The following USP33 variants were observed in gnomAD, a reference collection of about 807,000 sequenced individuals.
USP33 encodes ubiquitin specific peptidase 33, also known as ubiquitin carboxyl-terminal hydrolase 33.
A neutral mutation model predicts 124.2 loss-of-function variants in USP33; 46 were observed. The ratio of observed to expected loss-of-function variants is 0.37; its 90% confidence interval spans 0.29 to 0.47. USP33 has a LOEUF of 0.47. Ranked by LOEUF, USP33 falls within the 20% of genes least tolerant of loss-of-function variation. USP33 has a pLI of 0.99. For synonymous variants in USP33, 350 were observed against 352.3 expected, an observed-to-expected ratio of 0.99 and a Z score of 0.07; for missense variants, 851 against 1,070.6, an observed-to-expected ratio of 0.79 and a Z score of 2.86.
chr1:77,717,973 A>C lies in USP33; in HGVS notation c.1812T>G (p.Phe604Leu). 2 of 1,614,084 alleles carry C rather than the reference A, an allele frequency of 1.2e-6. No homozygotes were observed. The highest frequency in any genetic ancestry group is 1.7e-6 in the Non-Finnish European group (2 of 1,179,966). Residue 604 changes from phenylalanine to leucine, a missense_variant, in exon 17 of 24, where the codon TTT (phenylalanine) becomes TTG (leucine). Transcript: ENST00000370794. ...GCTGAAGATCCAAGCCTTCTAGCGG[A>C]AATGAAACATGGGTACTGATTTTGG... is the stretch of plus-strand genomic sequence containing the variant. ...FSTKISTHVS[F>L]PLEGLDLQPF... is the part of the protein sequence containing the mutation.
intron 10 of USP33, among the ~76,000 whole-genome samples, chr1:77,726,302 G>A (rs1182596604): frequency 1.3e-5 from 2 of 151,622 alleles, no homozygotes. Flanking sequence ...GAAGTGAGCA[G>A]TGGAAATACA....
rs1350983839 is a variant in USP33 at position 77,739,246 on chromosome 1, A to G, written c.351+19T>C. 6.3e-7 allele frequency: 1 copy of G among 1,592,594 alleles called. No individual in the cohort carries two copies. Among genetic ancestry groups the G allele is most frequent in the African/African-American group, 1.4e-5 (1 of 73,716 alleles). On this transcript the variant is annotated intron_variant, in intron 5 of 23. Coordinates refer to ENST00000370794, the MANE Select transcript of USP33 (RefSeq NM_201624.3). Reference sequence around the variant, plus strand: ...ACCGGAATGTTTTACAGCTTAACTAAGTGGATCTAGATTATTACCTGGACA... The same window carrying G: ...ACCGGAATGTTTTACAGCTTAACTAGGTGGATCTAGATTATTACCTGGACA...
Position 77,730,697 on chromosome 1 carries a change from C to T in USP33, c.559G>A (p.Gly187Arg), listed in dbSNP as rs1245862269. Reference sequence around the variant, plus strand: ...GGTTTCTTATCTGTTCGAGCTAGTCCTCCACAATCAAGAAAAAACTGTGTC... The same window carrying T: ...GGTTTCTTATCTGTTCGAGCTAGTCTTCCACAATCAAGAAAAAACTGTGTC... ...PLTQFFLDCG[G>R]LARTDKKPAI... The change falls in exon 8 of 24, where the codon GGA (glycine) becomes AGA (arginine). Residue 187 changes from glycine to arginine, a missense_variant. By Grantham distance (125) the Gly-to-Arg change is moderately radical. Around this residue, in one of 4 missense-constraint regions of USP33, gnomAD observed 221 missense variants for 302.9 expected, o/e 0.73. Transcript: ENST00000370794. 3.8e-6 allele frequency: 6 copies of T among 1,585,612 alleles called. No individual in the cohort carries two copies. Among genetic ancestry groups the T allele is most frequent in the Non-Finnish European group, 5.2e-6 (6 of 1,165,002 alleles).
intron 6 of USP33, among the ~76,000 whole-genome samples, chr1:77,735,612 A>G (rs548670371): frequency 1.2e-4 from 19 of 152,372 alleles, no homozygotes; most frequent in African/African-American, 4.6e-4. Context: ...TACTAAGAAC[A>G]GTGGGCCTAA....
chr1:77,721,475 C>T, intron 14 of USP33: 1 of 540,256 alleles, frequency 1.9e-6, no homozygotes. Flanking sequence ...AAGCAAGGTG[C>T]TAGACACACA....
In USP33 at chr1:77,741,708, AT is replaced by A; in HGVS notation, c.-12del. ...TCGAAAAGCTGACATTTTGTTAGGA[AT>A]TTTTTCCTGTTTCCCAAGACTTTCA... On this transcript the variant is annotated 5_prime_UTR_variant, in exon 2 of 24. Coordinates refer to ENST00000370794, the MANE Select transcript of USP33 (RefSeq NM_201624.3). 6.2e-7 allele frequency: 1 copy of A among 1,604,830 alleles called. No individual in the cohort carries two copies. The highest frequency in any genetic ancestry group is 8.5e-7 in the Non-Finnish European group (1 of 1,176,478).
chr1:77,712,904 T>C (rs1041301488), intron 20 of USP33, among the ~76,000 whole-genome samples: 3 of 152,228 alleles, frequency 2.0e-5, no homozygotes, highest in African/African-American at 7.2e-5. Flanking sequence ...AGATACTCAA[T>C]TGTGTGAGTA....
intron 14 of USP33, chr1:77,721,583 C>A: frequency 2.0e-6 from 1 of 502,582 alleles, no homozygotes; most frequent in South Asian, 2.5e-5. Context: ...CTATGGATCT[C>A]AGAACAGCTT....
At chr1:77,741,246 T>C in intron 3 of USP33, 130 bp downstream of exon 3, 1 of 879,438 alleles carries the variant, frequency 1.1e-6, no homozygotes, top group Non-Finnish European at 1.7e-6. Flanking sequence ...TTGTTATTAA[T>C]AATGACCTTT....
chr1:77,751,321 C>T lies in USP33; in HGVS notation c.-52+8322G>A, dbSNP rs140544503. 1.7e-3 allele frequency among the ~76,000 whole-genome samples: 265 copies of T among 152,278 alleles called. 1 individual carries two copies. Among genetic ancestry groups the T allele is most frequent in the African/African-American group, 6.0e-3 (251 of 41,556 alleles). The stretch of plus-strand genomic sequence containing the variant: ...ACTCACGCTCTATGATGTACAGCTC[C>T]GGTGGCTAAATTGCTCATCTGCATT... On this transcript the variant is annotated intron_variant, in intron 1 of 23. Coordinates refer to ENST00000370794, the MANE Select transcript of USP33 (RefSeq NM_201624.3).
chr1:77,716,480 T>C (rs1286599317), intron 17 of USP33, among the ~76,000 whole-genome samples: 1 of 152,200 alleles, frequency 6.6e-6, no homozygotes, highest in African/African-American at 2.4e-5. Context: ...AACAGTGCTG[T>C]AAACAGTTGC....
Position 77,714,715 on chromosome 1 carries a change from C to T in USP33, c.2114G>A (p.Ser705Asn). The change falls in exon 19 of 24, where the codon AGC (serine) becomes AAC (asparagine). Residue 705 changes from serine (S) to asparagine (N), a missense_variant. Around this residue, in one of 4 missense-constraint regions of USP33, gnomAD observed 281 missense variants for 425.0 expected, o/e 0.66. Transcript: ENST00000370794. ...ISNLLNIMEP[S>N]LLQFYISRQW... ...TCGAGAAATATAAAACTGAAGGAGG[C>T]TTGGTTCCATTATGTTCAATAAATT... The T allele has an allele frequency of 6.2e-7, 1 of 1,612,932 alleles. No homozygotes were observed.
rs370556536 is a variant in USP33, at chr1:77,722,123, T to C, written c.1463A>G (p.His488Arg). ...TATAGAAGTTGGATGACTTGATGAA[T>C]GCAGCTTAGCAAGGTCTTCCTTGCC... ...IPGKEDLAKL[H>R]SSSHPTSIVK... The change falls in exon 13 of 24, where the codon CAT becomes CGT. Residue 488 changes from histidine (H) to arginine (R), a missense_variant. By Grantham distance (29) the His-to-Arg change is conservative (BLOSUM62 0). This residue lies in a region of USP33 where 281 missense variants were observed against 425.0 expected (regional missense o/e 0.66). Transcript: ENST00000370794. The C allele has an allele frequency of 1.9e-6, 3 of 1,613,988 alleles. No homozygotes were observed. The highest frequency in any genetic ancestry group is 1.7e-6 in the Non-Finnish European group (2 of 1,179,980).
chr1:77,721,584 A>C, intron 14 of USP33: 1 of 503,802 alleles, frequency 2.0e-6, no homozygotes, highest in Non-Finnish European at 3.5e-6. Flanking sequence ...TATGGATCTC[A>C]GAACAGCTTT....
At chr1:77,714,967 G>T in intron 18 of USP33, 184 bp from the exon 19 acceptor site, 1 of 568,150 alleles carries the variant, frequency 1.8e-6, no homozygotes, top group Non-Finnish European at 3.0e-6. Flanking sequence ...GGATGAAACT[G>T]TATCTTACCT....
At chr1:77,752,427 C>A (rs1680425221) in intron 1 of USP33, among the ~76,000 whole-genome samples, 1 of 152,186 alleles carries the variant, frequency 6.6e-6, no homozygotes, top group South Asian at 2.1e-4. Context: ...GAGTGAGCCA[C>A]TGCGCCTGGC....
chr1:77,700,730 T>G (rs1411965456), intron 22 of USP33, among the ~76,000 whole-genome samples: 2 of 151,626 alleles, frequency 1.3e-5, no homozygotes, highest in African/African-American at 4.8e-5. Context: ...AGACAAAGTC[T>G]TGCTCTGTCA....
chr1:77,750,302 A>AT (rs1680176737), intron 1 of USP33, among the ~76,000 whole-genome samples: 5 of 151,372 alleles, frequency 3.3e-5, no homozygotes, highest in Admixed American at 1.3e-4. Flanking sequence ...TGGGCAACAG[A>AT]GCAAGGCTCC....
chr1:77,705,137 C>G (rs1159799405), intron 21 of USP33, among the ~76,000 whole-genome samples: 2 of 134,124 alleles, frequency 1.5e-5, no homozygotes, highest in African/African-American at 3.0e-5. Flanking sequence ...AGGGGGGGGG[C>G]TGAATAAAAC....
Sources: allele counts gnomAD v4.1 joint callset (sites outside exome capture counted in the v4.1 genomes callset), GRCh38; gene constraint gnomAD v4.1.1; regional missense constraint gnomAD v4.1.1; transcripts MANE v1.5; gene names NCBI Gene and HGNC (gene_info 2026-07-23, HGNC 2026-07-21).